The following TRPM6 variants were observed in gnomAD, a reference collection of about 807,000 sequenced individuals.
The protein encoded by TRPM6 is transient receptor potential cation channel subfamily M member 6, also known as channel kinase 2.
A neutral mutation model predicts 247.6 loss-of-function variants in TRPM6; 111 were observed. That is an observed-to-expected ratio of 0.45 (90% confidence interval 0.38 to 0.52). TRPM6 has a LOEUF of 0.52. Among genes scored for constraint, TRPM6 ranks in the 20% least tolerant of loss-of-function variants. TRPM6 has a pLI of 0.00. For missense variants in TRPM6, 2,126 were observed against 2,421.5 expected, an observed-to-expected ratio of 0.88 and a Z score of 2.56; for synonymous variants, 892 against 853.8, an observed-to-expected ratio of 1.04 and a Z score of -0.78.
At position 74,807,229 on chromosome 9, in the gene TRPM6, A is replaced by C. The variant is rs573913624; in HGVS notation, c.1638+805T>G. 7.2e-5 allele frequency among the ~76,000 whole-genome samples: 11 copies of C among 152,268 alleles called. No homozygotes were observed. In the East Asian group the frequency reaches 2.1e-3, roughly 29 times the overall value. On this transcript the variant is annotated intron_variant, in intron 14 of 38. Transcript: ENST00000360774. The stretch of plus-strand genomic sequence containing the variant: ...AGGCTGTTTATGGAATCTTACCCCA[A>C]ACTGCCTTTCCAGTCTCCTCCCTTA...
intron 2 of TRPM6, among the ~76,000 whole-genome samples, chr9:74,858,173 G>C (rs1011917859): frequency 6.6e-6 from 1 of 152,194 alleles, no homozygotes; most frequent in Non-Finnish European, 1.5e-5. Context: ...TGGATCACGA[G>C]GTCAGGAGAT....
intron 3 of TRPM6, among the ~76,000 whole-genome samples, 171 bp from the exon 4 acceptor site, chr9:74,842,514 T>C (rs557727076): frequency 6.6e-6 from 1 of 152,316 alleles, no homozygotes; most frequent in South Asian, 2.1e-4. Flanking sequence ...AGAAACACTA[T>C]TAGTGGTTCT....
At chr9:74,735,514 G>A (rs1335707945) in intron 36 of TRPM6, among the ~76,000 whole-genome samples, 2 of 152,056 alleles carry the variant, frequency 1.3e-5, no homozygotes, top group Non-Finnish European at 2.9e-5. Flanking sequence ...TGATGATGAT[G>A]TCGATGCCAA....
intron 11 of TRPM6, among the ~76,000 whole-genome samples, chr9:74,813,744 CAAG>C (rs771404969): frequency 7.2e-4 from 109 of 152,254 alleles, no homozygotes; most frequent in Admixed American, 1.2e-3. Flanking sequence ...GCAGACAATC[CAAG>C]AAGAAGAAAA....
At chr9:74,737,011 C>T (rs1825718616) in intron 36 of TRPM6, among the ~76,000 whole-genome samples, 1 of 152,004 alleles carries the variant, frequency 6.6e-6, no homozygotes, top group Non-Finnish European at 1.5e-5. Context: ...CCACCCAAAA[C>T]TCAAAGCACA....
intron 23 of TRPM6, among the ~76,000 whole-genome samples, chr9:74,779,381 T>A (rs1031236683): frequency 6.6e-6 from 1 of 152,232 alleles, no homozygotes; most frequent in Non-Finnish European, 1.5e-5. Context: ...CCTAAAATGG[T>A]TGGGCTAAGA....
chr9:74,741,338 T>C (rs1400729063), intron 33 of TRPM6, among the ~76,000 whole-genome samples: 1 of 151,066 alleles, frequency 6.6e-6, no homozygotes, highest in African/African-American at 2.4e-5. Flanking sequence ...TATAGAAGCA[T>C]ATATATATAT....
intron 1 of TRPM6, among the ~76,000 whole-genome samples, chr9:74,876,916 T>C (rs1831207774): frequency 6.6e-6 from 1 of 152,108 alleles, no homozygotes; most frequent in Admixed American, 6.5e-5. Context: ...AAGCACTGGA[T>C]CAAAAATAAG....
chr9:74,835,448 T>C (rs918640838), intron 5 of TRPM6, among the ~76,000 whole-genome samples: 16 of 152,266 alleles, frequency 1.1e-4, no homozygotes, highest in African/African-American at 3.6e-4. Context: ...CCCTTGCTCA[T>C]TAAGGCAAAC....
intron 1 of TRPM6, among the ~76,000 whole-genome samples, chr9:74,859,192 G>A (rs1030617549): frequency 6.6e-6 from 1 of 152,074 alleles, no homozygotes; most frequent in African/African-American, 2.4e-5. Context: ...TCAGAGAAGA[G>A]ATGTGACTCA....
At position 74,780,734 on chromosome 9, in the gene TRPM6, T is replaced by C. The variant is rs554531981; in HGVS notation, c.3209+1628A>G. Among the ~76,000 whole-genome samples, 10 of 152,250 alleles carry C rather than the reference T, an allele frequency of 6.6e-5. No homozygotes were observed. In the East Asian group the frequency reaches 1.9e-3, roughly 29 times the overall value. ...TTAAATCAGTTATCTATTTGAAGGTTGAGTTAACAGAAGTTCCTGAGAGTT... is the reference window on the plus strand; with the variant it reads ...TTAAATCAGTTATCTATTTGAAGGTCGAGTTAACAGAAGTTCCTGAGAGTT... On this transcript the variant is annotated intron_variant, in intron 23 of 38. Coordinates refer to ENST00000360774, the MANE Select transcript of TRPM6 (RefSeq NM_017662.5).
At chr9:74,782,563 C>G (rs1426336365) in intron 22 of TRPM6, 87 bp from the exon 23 acceptor site, 7 of 1,457,150 alleles carry the variant, frequency 4.8e-6, no homozygotes, top group Non-Finnish European at 6.7e-6. Context: ...ATTAACTGCA[C>G]AGAATACCAT....
At position 74,762,879 on chromosome 9, in the gene TRPM6, G is replaced by A. The variant is rs1826701055; in HGVS notation, c.3792C>T (p.Ser1264=). The A allele has an allele frequency of 1.2e-6, 2 of 1,613,766 alleles. No homozygotes were observed. Among genetic ancestry groups the A allele is most frequent in the South Asian group, 1.1e-5 (1 of 91,058 alleles). The change falls in exon 26 of 39, where the codon AGC becomes AGT. Residue 1264 remains serine (S), a synonymous_variant. Transcript: ENST00000360774. ...ATTTCTTCTCTCCAGCGATCTCCAT[G>A]CTGCCTAGAACCTCTGCACAGATGA... The part of the protein sequence containing the change: ...SNVICAEVLG[S]MEIAGEKKYQ...
chr9:74,782,227 A>T (rs1449052151), intron 23 of TRPM6, 135 bp downstream of exon 23: 1 of 656,818 alleles, frequency 1.5e-6, no homozygotes, highest in South Asian at 1.9e-5. Context: ...TTTTATGTGC[A>T]TATTTCAAAA....
At chr9:74,820,497 A>C (rs1829100018) in intron 8 of TRPM6, 70 bp from the exon 9 acceptor site, 1 of 1,587,924 alleles carries the variant, frequency 6.3e-7, no homozygotes, top group Admixed American at 1.7e-5. Context: ...AGTACAAGAA[A>C]ACACCCCATC....
At chr9:74,876,293 A>G (rs1402782516) in intron 1 of TRPM6, among the ~76,000 whole-genome samples, 1 of 152,186 alleles carries the variant, frequency 6.6e-6, no homozygotes, top group Admixed American at 6.5e-5. Context: ...CATGCTGGTC[A>G]GGCTGGTCTC....
chr9:74,770,670 C>T (rs1285376146), intron 25 of TRPM6, among the ~76,000 whole-genome samples: 4 of 152,148 alleles, frequency 2.6e-5, no homozygotes, highest in Non-Finnish European at 4.4e-5. Context: ...TTCCCGTCTA[C>T]TCTGGCCATA....
At chr9:74,744,041 CAGA>C in intron 32 of TRPM6, 51 bp downstream of exon 32, 2 of 1,558,186 alleles carry the variant, frequency 1.3e-6, no homozygotes, top group Non-Finnish European at 1.8e-6. Flanking sequence ...TTTACAAATG[CAGA>C]AGCACAGACA....
intron 31 of TRPM6, among the ~76,000 whole-genome samples, chr9:74,746,078 T>C (rs1227605193): frequency 6.6e-6 from 1 of 151,960 alleles, no homozygotes; most frequent in Non-Finnish European, 1.5e-5. Flanking sequence ...CCATCTCCAC[T>C]AAAGATACAA....
Sources: gnomAD v4.1 joint callset for allele counts (sites outside exome capture counted in the v4.1 genomes callset) on GRCh38, gnomAD v4.1.1 for gene constraint, MANE v1.5 for transcripts, NCBI Gene and HGNC (gene_info 2026-07-23, HGNC 2026-07-21) for gene names.